Variants in PCTP observed in about 807,000 individuals in gnomAD.
PCTP encodes the protein START domain-containing protein 2.
A neutral mutation model predicts 31.0 loss-of-function variants in PCTP; 27 were observed. That is an observed-to-expected ratio of 0.87 (90% CI 0.64 to 1.20). PCTP has a LOEUF of 1.20. Among genes scored for constraint, PCTP ranks in the 50% most tolerant of loss-of-function variants. The pLI is 0.00. For synonymous variants in PCTP, 108 were observed against 101.2 expected, an observed-to-expected ratio of 1.07 and a Z score of -0.40; for missense variants, 287 against 268.2, an observed-to-expected ratio of 1.07 and a Z score of -0.49.
intron 3 of PCTP, among the ~76,000 whole-genome samples, chr17:55,802,879 A>G (rs7224519): frequency 0.042 from 6,436 of 152,212 alleles, 444 homozygotes; most frequent in African/African-American, 0.14. Flanking sequence ...CAATCAGGCA[A>G]GAGAAAGACA....
chr17:55,773,702 C>A (rs755448361), intron 3 of PCTP, 22 bp from the exon 4 acceptor site: 2 of 1,591,912 alleles, frequency 1.3e-6, no homozygotes, highest in Admixed American at 1.7e-5. Context: ...GCGTTGGTGT[C>A]TTGCCTTAAC....
At chr17:55,823,102 C>T (rs544167527), downstream of PCTP, 16 of 225,816 alleles carry the variant, frequency 7.1e-5, no homozygotes, top group African/African-American at 2.7e-4. Flanking sequence ...TCTTGGAGCT[C>T]GCATTCTAAT....
chr17:55,851,373 A>G, the PCTP span, among the ~76,000 whole-genome samples: 1 of 147,728 alleles, frequency 6.8e-6, no homozygotes, highest in Non-Finnish European at 1.5e-5. Context: ...CTTTCAGATG[A>G]GCTGAAATGG....
Position 55,767,452 on chromosome 17 carries a change from G to A in PCTP, c.259G>A (p.Glu87Lys), listed in dbSNP as rs751465192. Residue 87 changes from glutamate (E) to lysine (K), a missense_variant and splice_region_variant, in exon 2 of 6, where the codon GAA (glutamate) becomes AAA (lysine). Transcript: ENST00000268896. ...YRKQWDQYVK[E>K]LYEQECNGET... Reference sequence around the variant, plus strand: ...AAAACAATGGGACCAGTATGTTAAAGGTGAGTGATGCTTGCTTTTCTTTTT... The same window carrying A: ...AAAACAATGGGACCAGTATGTTAAAAGTGAGTGATGCTTGCTTTTCTTTTT... 1 of 1,559,188 alleles carries A rather than the reference G, an allele frequency of 6.4e-7. No individual in the cohort carries two copies. The highest frequency in any genetic ancestry group is 8.7e-7 in the Non-Finnish European group (1 of 1,142,898).
chr17:55,751,102 G>A lies in PCTP; in HGVS notation c.-2G>A, dbSNP rs1243472988. The A allele has an allele frequency of 2.0e-6, 3 of 1,536,358 alleles. No homozygotes were observed. Among genetic ancestry groups the A allele is most frequent in the South Asian group, 1.2e-5 (1 of 82,826 alleles). On this transcript the variant is annotated 5_prime_UTR_variant, in exon 1 of 6. Transcript: ENST00000268896. ...AGGCGGAGGAGCCCGGACTGCGGAA[G>A]GATGGAGCTGGCCGCCGGAAGCTTC...
In PCTP at chr17:55,776,263, C is replaced by A; in HGVS notation, c.*163C>A. 7.0e-7 allele frequency: 1 copy of A among 1,421,918 alleles called. No homozygotes were observed. The highest frequency in any genetic ancestry group is 9.2e-7 in the Non-Finnish European group (1 of 1,089,014). The allele number at this position is 1,421,918 out of a possible 1,614,324, so 88.1% of individuals were successfully genotyped here. On this transcript the variant is annotated 3_prime_UTR_variant, in exon 6 of 6. Transcript: ENST00000268896. ...TGCTGTTTCTGTCTTCAGAGGCCTA[C>A]ACACTACCACATCCTTTCTAAGCAT...
At chr17:55,799,037 T>C (rs900501858) in intron 3 of PCTP, among the ~76,000 whole-genome samples, 2 of 151,738 alleles carry the variant, frequency 1.3e-5, no homozygotes, top group African/African-American at 4.8e-5. Flanking sequence ...AGGATATACA[T>C]TAAAGAATTT....
chr17:55,839,868 CGA>C (rs1905907620), intron 5 of PCTP, among the ~76,000 whole-genome samples: 1 of 131,828 alleles, frequency 7.6e-6, no homozygotes, highest in Admixed American at 8.6e-5. Flanking sequence ...TGCAGTGAGC[CGA>C]GATCCCGCCA....
chr17:55,782,154 G>T (rs549241798), downstream of PCTP, among the ~76,000 whole-genome samples: 1 of 152,324 alleles, frequency 6.6e-6, no homozygotes, highest in African/African-American at 2.4e-5. Flanking sequence ...AGGAGGCATT[G>T]CCCCTTCCTC....
Position 55,756,609 on chromosome 17 carries a change from C to A in PCTP, c.141+5365C>A, listed in dbSNP as rs374091929. Among the ~76,000 whole-genome samples, 18 of 152,244 alleles carry A rather than the reference C, an allele frequency of 1.2e-4. 1 individual carries two copies. The South Asian group carries it at 1.7e-3, about 14-fold the overall frequency. On this transcript the variant is annotated intron_variant, in intron 1 of 5. Transcript: ENST00000268896. ...GCTTTGGTGGTCCTTTTGAGAGGCT[C>A]CCCCTTCACATAGGGGTTAATTATT...
downstream of PCTP, among the ~76,000 whole-genome samples, chr17:55,779,615 A>G (rs982319637): frequency 8.5e-5 from 13 of 152,218 alleles, no homozygotes; most frequent in African/African-American, 2.9e-4. Context: ...AAGAGTCTCA[A>G]TAAGCTTTGA....
chr17:55,789,208 T>C (rs573129534), intron 3 of PCTP, among the ~76,000 whole-genome samples: 4 of 152,348 alleles, frequency 2.6e-5, no homozygotes, highest in Admixed American at 2.6e-4. Context: ...TTATTTCCTT[T>C]CTTACAAATC....
In PCTP at chr17:55,776,436, C is replaced by G; in HGVS notation, c.*336C>G. ...AGGAGGGGAAGTCTTCAGTAGGGAA[C>G]ACGATCATTCCATTGTGCAATTTTA... On this transcript the variant is annotated 3_prime_UTR_variant, in exon 6 of 6. Transcript: ENST00000268896. 8.1e-7 allele frequency: 1 copy of G among 1,234,366 alleles called. No homozygotes were observed. The highest frequency in any genetic ancestry group is 1.5e-5 in the African/African-American group (1 of 64,616). 76.5% of individuals were successfully genotyped at this position (1,234,366 alleles called of 1,614,324 possible). A position where few individuals can be genotyped will look rare whatever the true frequency, so the allele number is the denominator to read the frequency against.
At chr17:55,804,081 A>C (rs1912492013) in intron 3 of PCTP, among the ~76,000 whole-genome samples, 1 of 152,252 alleles carries the variant, frequency 6.6e-6, no homozygotes, top group South Asian at 2.1e-4. Flanking sequence ...AAAAGAAGAC[A>C]TTTATGCAGC....
intron 2 of PCTP, among the ~76,000 whole-genome samples, chr17:55,784,121 C>T (rs1911665722): frequency 6.6e-6 from 1 of 152,170 alleles, no homozygotes. Context: ...CCCCGTCTGA[C>T]ATCATTGGGC....
intron 3 of PCTP, among the ~76,000 whole-genome samples, chr17:55,799,944 T>C (rs1019172937): frequency 6.6e-6 from 1 of 152,224 alleles, no homozygotes; most frequent in African/African-American, 2.4e-5. Flanking sequence ...AGAGATCTGC[T>C]GTTAGTCTGA....
At chr17:55,775,459 CAA>C in intron 5 of PCTP, 3 of 1,227,036 alleles carry the variant, frequency 2.4e-6, no homozygotes, top group Non-Finnish European at 3.0e-6. Flanking sequence ...ACTTTGGAGT[CAA>C]ACAGACGCAA....
intron 2 of PCTP, among the ~76,000 whole-genome samples, chr17:55,786,109 C>A (rs912891182): frequency 8.5e-5 from 13 of 152,132 alleles, no homozygotes; most frequent in Non-Finnish European, 1.6e-4. Flanking sequence ...ATGGCAAAAC[C>A]CCTTCTCTAC....
downstream of PCTP, among the ~76,000 whole-genome samples, chr17:55,779,606 A>G (rs1044807557): frequency 7.9e-5 from 12 of 152,226 alleles, no homozygotes; most frequent in Admixed American, 6.5e-4. Flanking sequence ...CTTTATCCCA[A>G]GAGTCTCAAT....
Sources: gnomAD v4.1 joint callset for allele counts (sites outside exome capture counted in the v4.1 genomes callset) on GRCh38, gnomAD v4.1.1 for gene constraint, MANE v1.5 for transcripts, NCBI Gene and HGNC (gene_info 2026-07-23, HGNC 2026-07-21) for gene names.